Variants in ZNF790 observed in about 807,000 individuals in gnomAD.
ZNF790 encodes zinc finger protein 790.
ZNF790 carries 8 observed loss-of-function variants against 12.1 expected under a neutral mutation model. The observed-to-expected ratio is 0.66, with a 90% CI of 0.39 to 1.19. ZNF790 has a LOEUF of 1.19. ZNF790 is among the 50% of genes most tolerant of loss of function. The pLI is 0.01. For synonymous variants in ZNF790, 252 were observed against 244.3 expected (o/e 1.03, Z -0.29); for missense variants, 707 against 752.2 (o/e 0.94, Z 0.70).
intron 1 of ZNF790, among the ~76,000 whole-genome samples, chr19:36,844,831 G>A (rs1357534236): frequency 6.6e-6 from 1 of 150,802 alleles, no homozygotes; most frequent in Non-Finnish European, 1.5e-5. Context: ...GGCGGATCAC[G>A]AGGTCAGGAG....
chr19:36,826,568 C>T (rs886278603), intron 1 of ZNF790, among the ~76,000 whole-genome samples: 3 of 141,036 alleles, frequency 2.1e-5, no homozygotes, highest in Non-Finnish European at 3.0e-5. Context: ...GGCGACACAG[C>T]GAGACTCGGT....
At chr19:36,835,275 C>T (rs191384670) in intron 1 of ZNF790, among the ~76,000 whole-genome samples, 7 of 151,488 alleles carry the variant, frequency 4.6e-5, no homozygotes, top group East Asian at 3.9e-4. Context: ...AGGGAGACCC[C>T]GTCTCAAAAA....
chr19:36,819,089 T>C lies in ZNF790; in HGVS notation c.1255A>G (p.Arg419Gly). The C allele has an allele frequency of 6.2e-7, 1 of 1,613,754 alleles. No homozygotes were observed. The highest frequency in any genetic ancestry group is 1.1e-5 in the South Asian group (1 of 91,056). The change falls in exon 5 of 5, where the codon AGG becomes GGG. Residue 419 changes from arginine to glycine, a missense_variant. Transcript: ENST00000356725. ...LARHQRIHTG[R>G]KPYECKQCGK... is the part of the protein sequence containing the mutation. ...CATTGCTTACATTCATAAGGTTTCC[T>C]GCCAGTATGAATTCGCTGATGTCGA...
Position 36,849,246 on chromosome 19 carries a change from G to C in ZNF790, c.-74+756C>G, listed in dbSNP as rs544800294. On this transcript the variant is annotated intron_variant, in intron 1 of 4. Transcript: ENST00000528994. ...CCGGCCCTTCCTGCCATTGTTAAAAGCTTCAGGATTATATTTTACATCAGC... is the reference window on the plus strand; with the variant it reads ...CCGGCCCTTCCTGCCATTGTTAAAACCTTCAGGATTATATTTTACATCAGC... 3.3e-5 allele frequency among the ~76,000 whole-genome samples: 5 copies of C among 152,136 alleles called. No homozygotes were observed. The East Asian group carries it at 9.7e-4, about 29-fold the overall frequency.
At chr19:36,830,449 T>C (rs747266905) in intron 1 of ZNF790, among the ~76,000 whole-genome samples, 2 of 152,186 alleles carry the variant, frequency 1.3e-5, no homozygotes, top group East Asian at 1.9e-4. Flanking sequence ...CTACTACTTG[T>C]TGAGGATTTT....
At chr19:36,846,820 C>T (rs2072185047) in intron 1 of ZNF790, among the ~76,000 whole-genome samples, 1 of 152,148 alleles carries the variant, frequency 6.6e-6, no homozygotes, top group South Asian at 2.1e-4. Context: ...GATGCTCTGG[C>T]ATTTGGGGAC....
chr19:36,844,192 T>A (rs1555717895), intron 1 of ZNF790, among the ~76,000 whole-genome samples: 1 of 151,484 alleles, frequency 6.6e-6, no homozygotes, highest in Non-Finnish European at 1.5e-5. Context: ...ATACCTGTGG[T>A]CCCAGCTACT....
At chr19:36,835,426 TAACAC>T (rs1199097058) in intron 1 of ZNF790, among the ~76,000 whole-genome samples, 2 of 152,188 alleles carry the variant, frequency 1.3e-5, no homozygotes, top group Non-Finnish European at 2.9e-5. Flanking sequence ...AGTTTAAAAA[TAACAC>T]AATATAGCAA....
chr19:36,822,225 G>GA (rs1176699967), intron 4 of ZNF790, among the ~76,000 whole-genome samples: 5 of 151,876 alleles, frequency 3.3e-5, no homozygotes, highest in African/African-American at 1.2e-4. Flanking sequence ...GAGAAGATAG[G>GA]AAAAATGACA....
At chr19:36,828,746 TGGAATTACA>T (rs1278558354) in intron 1 of ZNF790, among the ~76,000 whole-genome samples, 2 of 152,206 alleles carry the variant, frequency 1.3e-5, no homozygotes, top group African/African-American at 4.8e-5. Flanking sequence ...CCCAAAGTGC[TGGAATTACA>T]GGTGTAGGCC....
At chr19:36,830,778 C>G (rs889274375) in intron 1 of ZNF790, among the ~76,000 whole-genome samples, 1 of 152,228 alleles carries the variant, frequency 6.6e-6, no homozygotes. Context: ...CCAGTGACAG[C>G]TATTCCAGGA....
At chr19:36,843,746 C>T (rs2072150490) in intron 1 of ZNF790, among the ~76,000 whole-genome samples, 1 of 152,090 alleles carries the variant, frequency 6.6e-6, no homozygotes, top group South Asian at 2.1e-4. Flanking sequence ...CAGTGGCTCA[C>T]ACCTGTAATC....
chr19:36,825,043 G>A (rs2071767328), intron 2 of ZNF790, among the ~76,000 whole-genome samples: 1 of 151,944 alleles, frequency 6.6e-6, no homozygotes, highest in Non-Finnish European at 1.5e-5. Context: ...GTTTTTTGTC[G>A]ATACCACTGA....
At chr19:36,838,969 C>T (rs2072104029), upstream of ZNF790, among the ~76,000 whole-genome samples, 1 of 152,206 alleles carries the variant, frequency 6.6e-6, no homozygotes, top group South Asian at 2.1e-4. This position sits in a 1 kb window ranked among gnomAD's most constrained non-coding sequence, Gnocchi z 4.4. Flanking sequence ...ATCCATGGGA[C>T]ACAGCTACAT....
chr19:36,837,501 T>TAACTCACC (rs968216445), intron 1 of ZNF790, among the ~76,000 whole-genome samples: 8 of 152,334 alleles, frequency 5.3e-5, no homozygotes, highest in Admixed American at 2.6e-4. Flanking sequence ...AGATTGTATA[T>TAACTCACC]AACTCACCAC....
chr19:36,820,478 G>A (rs1303091628), intron 4 of ZNF790, among the ~76,000 whole-genome samples: 2 of 152,180 alleles, frequency 1.3e-5, no homozygotes, highest in Non-Finnish European at 2.9e-5. Flanking sequence ...GGAATGCTGG[G>A]AAATAGCAGA....
intron 2 of ZNF790, among the ~76,000 whole-genome samples, chr19:36,824,154 G>A (rs1359064454): frequency 1.3e-5 from 2 of 151,582 alleles, no homozygotes; most frequent in Admixed American, 1.3e-4. Flanking sequence ...CCGCTACCAC[G>A]CCCGGCAAAT....
At chr19:36,833,079 TAGC>T (rs371344262) in intron 1 of ZNF790, among the ~76,000 whole-genome samples, 1 of 152,106 alleles carries the variant, frequency 6.6e-6, no homozygotes, top group African/African-American at 2.4e-5. Context: ...TGACAGCACT[TAGC>T]AGGAAAAATT....
At chr19:36,826,218 T>C (rs1313573105) in intron 1 of ZNF790, among the ~76,000 whole-genome samples, 1 of 152,040 alleles carries the variant, frequency 6.6e-6, no homozygotes, top group Non-Finnish European at 1.5e-5. Flanking sequence ...GGCTTTTTCA[T>C]GAAGGGAACC....
Sources: allele counts gnomAD v4.1 joint callset (sites outside exome capture counted in the v4.1 genomes callset), GRCh38; gene constraint gnomAD v4.1.1; non-coding constraint Gnocchi (gnomAD v3.1); transcripts MANE v1.5; gene names NCBI Gene and HGNC (gene_info 2026-07-23, HGNC 2026-07-21).